The following PTK2 variants were observed in gnomAD, a reference collection of about 807,000 sequenced individuals.
PTK2 encodes protein tyrosine kinase 2, also known as focal adhesion kinase 1.
A neutral mutation model predicts 150.1 loss-of-function variants in PTK2; 45 were observed. That is an observed-to-expected ratio of 0.30 (90% CI 0.24 to 0.38). The LOEUF is 0.38. PTK2 is among the 10% of genes least tolerant of loss of function. The pLI is 1.00. For missense variants in PTK2, 919 were observed against 1,307.3 expected (o/e 0.70, Z 4.58); for synonymous variants, 432 against 449.2 (o/e 0.96, Z 0.48).
intron 22 of PTK2, chr8:140,734,875 TAGG>T (rs911774870): frequency 2.3e-6 from 1 of 441,702 alleles, no homozygotes; most frequent in Non-Finnish European, 4.5e-6. Flanking sequence ...TGAGCTGTGT[TAGG>T]AGAATTATAA....
Position 140,784,971 on chromosome 8 carries a change from G to A in PTK2, c.1177+4503C>T, listed in dbSNP as rs565306407. On this transcript the variant is annotated intron_variant, in intron 14 of 31. Transcript: ENST00000522684. ...AAAAAGTACCTGGTATCTTCTCTCC[G>A]GAATGTAAGGATATTGCTTTATTTG... Among the ~76,000 whole-genome samples, 8 of 152,134 alleles carry A rather than the reference G, an allele frequency of 5.3e-5. No homozygotes were observed. In the South Asian group the frequency reaches 1.0e-3, roughly 20 times the overall value.
intron 1 of PTK2, among the ~76,000 whole-genome samples, chr8:140,954,150 T>C (rs887294772): frequency 1.3e-5 from 2 of 152,108 alleles, no homozygotes; most frequent in African/African-American, 4.8e-5. Flanking sequence ...TGGCTAATTT[T>C]TGTCTGTTTA....
intron 27 of PTK2, among the ~76,000 whole-genome samples, chr8:140,684,482 T>C (rs1325302650): frequency 6.6e-6 from 1 of 152,208 alleles, no homozygotes; most frequent in Non-Finnish European, 1.5e-5. Flanking sequence ...CCCAGGAAGA[T>C]GGGGACTCCT....
chr8:140,916,533 G>C (rs1188306320), intron 2 of PTK2, among the ~76,000 whole-genome samples: 1 of 152,152 alleles, frequency 6.6e-6, no homozygotes, highest in Admixed American at 6.5e-5. Context: ...TCTACACATA[G>C]ACATTCTATA....
chr8:140,864,361 A>G (rs1189962612), exon 5 of PTK2: 1 of 1,600,986 alleles, frequency 6.2e-7, no homozygotes, highest in Non-Finnish European at 8.5e-7. Context: ...AAACTGGTTT[A>G]GAAATCCTTT....
intron 10 of PTK2, among the ~76,000 whole-genome samples, chr8:140,811,907 G>A (rs1030740557): frequency 3.9e-5 from 6 of 152,148 alleles, no homozygotes; most frequent in African/African-American, 7.2e-5. Context: ...TGTGAAATAC[G>A]GGATTATGTA....
At chr8:140,945,465 G>A (rs923165857) in intron 1 of PTK2, among the ~76,000 whole-genome samples, 5 of 151,964 alleles carry the variant, frequency 3.3e-5, no homozygotes, top group Admixed American at 2.0e-4. Context: ...GTGCACCTGT[G>A]GTCTCAGCTA....
chr8:140,768,808 C>G (rs181654044), intron 14 of PTK2, among the ~76,000 whole-genome samples: 1 of 152,134 alleles, frequency 6.6e-6, no homozygotes, highest in Non-Finnish European at 1.5e-5. Context: ...GTGAAAAACA[C>G]GCACTTTTAA....
chr8:140,887,582 G>GT (rs1041961989), intron 3 of PTK2, among the ~76,000 whole-genome samples: 1 of 152,072 alleles, frequency 6.6e-6, no homozygotes, highest in African/African-American at 2.4e-5. Context: ...AAAAAGTTTT[G>GT]TTTTTTCTGA....
chr8:140,703,219 G>T (rs1348295012), intron 24 of PTK2, among the ~76,000 whole-genome samples: 1 of 151,808 alleles, frequency 6.6e-6, no homozygotes, highest in East Asian at 1.9e-4. Flanking sequence ...GCCGAGATCG[G>T]GCCATTGCAC....
intron 8 of PTK2, chr8:140,822,534 C>G (rs187253641): frequency 6.6e-6 from 1 of 152,284 alleles, no homozygotes; most frequent in Admixed American, 6.5e-5. Flanking sequence ...CGAGGGGGTA[C>G]AAGAATTGTG....
At chr8:140,864,277 CAAACAAAA>C in intron 5 of PTK2, 27 bp downstream of exon 5, 1 of 1,251,158 alleles carries the variant, frequency 8.0e-7, no homozygotes, top group South Asian at 1.8e-5. Context: ...TTCAAAGAAA[CAAACAAAA>C]AAGTATATGA....
intron 23 of PTK2, among the ~76,000 whole-genome samples, chr8:140,713,484 A>G (rs2100037901): frequency 6.6e-6 from 1 of 152,194 alleles, no homozygotes; most frequent in Non-Finnish European, 1.5e-5. Flanking sequence ...GCTGGTCTCG[A>G]ACTCCTGGCC....
At chr8:140,691,803 T>A (rs2100023366) in intron 26 of PTK2, among the ~76,000 whole-genome samples, 1 of 152,226 alleles carries the variant, frequency 6.6e-6, no homozygotes, top group African/African-American at 2.4e-5. Flanking sequence ...TGCACATAGA[T>A]GTGTAGTAAA....
At chr8:140,937,211 G>A (rs1014940335) in intron 1 of PTK2, among the ~76,000 whole-genome samples, 1 of 152,026 alleles carries the variant, frequency 6.6e-6, no homozygotes, top group African/African-American at 2.4e-5. Flanking sequence ...AAGTGATGGA[G>A]GGCAAGAAAC....
intron 2 of PTK2, among the ~76,000 whole-genome samples, chr8:140,921,713 G>T (rs1345872086): frequency 2.0e-5 from 3 of 152,118 alleles, no homozygotes; most frequent in Non-Finnish European, 4.4e-5. Flanking sequence ...GAATATTGAG[G>T]TATCCAAGAG....
At chr8:140,837,279 A>G (rs1267275480) in intron 7 of PTK2, among the ~76,000 whole-genome samples, 2 of 152,230 alleles carry the variant, frequency 1.3e-5, no homozygotes, top group East Asian at 1.9e-4. Context: ...CTACAAAAAA[A>G]GTACCTTGGT....
intron 23 of PTK2, among the ~76,000 whole-genome samples, chr8:140,713,954 A>G (rs2100038134): frequency 6.6e-6 from 1 of 152,156 alleles, no homozygotes; most frequent in Non-Finnish European, 1.5e-5. Flanking sequence ...AGGTGCAAAC[A>G]TGACTCTCCA....
chr8:140,764,508 G>A, intron 14 of PTK2: 1 of 532,758 alleles, frequency 1.9e-6, no homozygotes, highest in Non-Finnish European at 3.3e-6. Context: ...TTGTTTATCG[G>A]AGAGCAAACA....
Sources: allele counts gnomAD v4.1 joint callset (sites outside exome capture counted in the v4.1 genomes callset), GRCh38; gene constraint gnomAD v4.1.1; transcripts MANE v1.5; gene names NCBI Gene and HGNC (gene_info 2026-07-23, HGNC 2026-07-21).